PPP3CA: variants seen among roughly 807,000 people sequenced by gnomAD.
The protein encoded by PPP3CA is CAM-PRP catalytic subunit.
Under a neutral mutation model 66.5 loss-of-function variants are expected in PPP3CA, and 14 were observed. The observed-to-expected ratio is 0.21, with a 90% CI of 0.14 to 0.33. The LOEUF is 0.33. Ranked by LOEUF, PPP3CA falls within the 10% of genes least tolerant of loss-of-function variation. PPP3CA has a pLI of 1.00. For missense variants in PPP3CA, 317 were observed against 639.5 expected (o/e 0.50, Z 5.44); for synonymous variants, 232 against 226.2 (o/e 1.03, Z -0.23).
chr4:101,053,811 A>T (rs76273398), intron 10 of PPP3CA, among the ~76,000 whole-genome samples: 1 of 152,030 alleles, frequency 6.6e-6, no homozygotes, highest in Non-Finnish European at 1.5e-5. Context: ...ATTCTACGTC[A>T]TAAGTCCTCG....
intron 1 of PPP3CA, among the ~76,000 whole-genome samples, chr4:101,345,960 T>C (rs1458608361): frequency 6.6e-6 from 1 of 152,120 alleles, no homozygotes; most frequent in Admixed American, 6.5e-5. Context: ...CAGCCGGGGA[T>C]GGCAAGAGAG....
intron 1 of PPP3CA, among the ~76,000 whole-genome samples, chr4:101,208,041 G>A (rs928336823): frequency 1.3e-5 from 2 of 152,154 alleles, no homozygotes; most frequent in African/African-American, 2.4e-5. Flanking sequence ...AGCACTGCAA[G>A]TGCCTTCATT....
chr4:101,260,309 A>G (rs746111526), intron 1 of PPP3CA, among the ~76,000 whole-genome samples: 2 of 152,166 alleles, frequency 1.3e-5, no homozygotes, highest in Admixed American at 6.6e-5. Flanking sequence ...CAGAAATATA[A>G]TAACTTTAAA....
chr4:101,109,847 T>C (rs1161795628), intron 2 of PPP3CA, among the ~76,000 whole-genome samples: 2 of 152,176 alleles, frequency 1.3e-5, no homozygotes, highest in African/African-American at 2.4e-5. Context: ...CTATTTTGTC[T>C]CTTTTAAAAA....
rs185916765 is a variant in PPP3CA, at chr4:101,331,803, A to G, written c.58+14936T>C. On this transcript the variant is annotated intron_variant, in intron 1 of 13. Transcript: ENST00000394854. ...TTCAAATAAATTGGAGACTTAAAAT[A>G]AGTTCAGTACAATGTAACATATGCT... is the stretch of plus-strand genomic sequence containing the variant. Among the ~76,000 whole-genome samples the G allele has an allele frequency of 8.1e-4, 123 of 152,332 alleles. 1 individual carries two copies. The highest frequency in any genetic ancestry group is 2.8e-3 in the African/African-American group (116 of 41,572).
Position 101,234,851 on chromosome 4 carries a change from T to G in PPP3CA, c.59-38735A>C, listed in dbSNP as rs191474749. ...CACAGCTTTTTTGCCCAAAAAACAT[T>G]CTCTGCTGGTTCATTTTCTAACTAC... On this transcript the variant is annotated intron_variant, in intron 1 of 13. Transcript: ENST00000394854. 7.2e-5 allele frequency among the ~76,000 whole-genome samples: 11 copies of G among 151,920 alleles called. No homozygotes were observed. The East Asian group carries it at 2.1e-3, about 30-fold the overall frequency.
At chr4:101,277,205 G>C (rs1727523486) in intron 1 of PPP3CA, among the ~76,000 whole-genome samples, 1 of 152,058 alleles carries the variant, frequency 6.6e-6, no homozygotes, top group Admixed American at 6.6e-5. Context: ...TGACATCTAA[G>C]TTTTCTCCAT....
intron 8 of PPP3CA, among the ~76,000 whole-genome samples, chr4:101,080,241 AATT>A (rs1729374923): frequency 6.6e-6 from 1 of 152,122 alleles, no homozygotes; most frequent in African/African-American, 2.4e-5. Flanking sequence ...GATTATTTCC[AATT>A]ATTATTTCTT....
intron 3 of PPP3CA, among the ~76,000 whole-genome samples, chr4:101,106,935 T>C (rs567929386): frequency 1.9e-3 from 295 of 152,296 alleles, no homozygotes; most frequent in South Asian, 4.6e-3. Context: ...GAAAAATATC[T>C]ATCTTGTCCA....
intron 1 of PPP3CA, among the ~76,000 whole-genome samples, chr4:101,214,448 A>T (rs1438856753): frequency 6.6e-6 from 1 of 152,118 alleles, no homozygotes; most frequent in African/African-American, 2.4e-5. Flanking sequence ...TGAGAGCAAA[A>T]TCAGAAACAT....
chr4:101,267,073 G>A (rs1159543333), intron 1 of PPP3CA, among the ~76,000 whole-genome samples: 1 of 152,164 alleles, frequency 6.6e-6, no homozygotes, highest in Non-Finnish European at 1.5e-5. Context: ...TCTGCCCTGG[G>A]GCGTCCTCAG....
chr4:101,194,648 C>A (rs1724727440), intron 2 of PPP3CA, among the ~76,000 whole-genome samples: 1 of 151,864 alleles, frequency 6.6e-6, no homozygotes. Context: ...CTCACTGCAC[C>A]CTCTACCTCC....
intron 10 of PPP3CA, among the ~76,000 whole-genome samples, chr4:101,048,905 AT>A (rs556836719): frequency 6.6e-6 from 1 of 151,946 alleles, no homozygotes; most frequent in African/African-American, 2.4e-5. Context: ...TTAAAATGTA[AT>A]TTTTTTTAAA....
At chr4:101,131,096 G>T (rs978237096) in intron 2 of PPP3CA, among the ~76,000 whole-genome samples, 2 of 151,924 alleles carry the variant, frequency 1.3e-5, no homozygotes, top group Admixed American at 6.6e-5. Context: ...TATTAGTGGG[G>T]CATGGTGGTG....
chr4:101,142,198 T>C (rs1415570983), intron 2 of PPP3CA, among the ~76,000 whole-genome samples: 3 of 152,224 alleles, frequency 2.0e-5, no homozygotes, highest in Admixed American at 6.5e-5. Context: ...CCTTCCTGAA[T>C]AGCATTTTAA....
chr4:101,149,247 A>C (rs188324504), intron 2 of PPP3CA, among the ~76,000 whole-genome samples: 1 of 152,280 alleles, frequency 6.6e-6, no homozygotes, highest in African/African-American at 2.4e-5. Context: ...TAACTAAAAG[A>C]AGCTACAAGT....
At position 101,083,212 on chromosome 4, in the gene PPP3CA, G is replaced by T. The variant is rs751691186; in HGVS notation, c.834C>A (p.Leu278=). The T allele has an allele frequency of 2.9e-5, 46 of 1,604,410 alleles. No individual in the cohort carries two copies. Among genetic ancestry groups the T allele is most frequent in the Non-Finnish European group, 3.8e-5 (45 of 1,174,906 alleles). ...CTGCATCTTGGGCTTCGTGGGCTCG[G>T]AGTATAGATAACAAGTTATTGTGCT... The part of the protein sequence containing the change: ...FLQHNNLLSI[L]RAHEAQDAGY... The change falls in exon 7 of 14, where the codon CTC becomes CTA. Residue 278 remains leucine, a synonymous_variant. Transcript: ENST00000394854.
chr4:101,098,510 T>TAC lies in PPP3CA; in HGVS notation c.497_498dup (p.Lys167ValfsTer3). 1 of 1,602,774 alleles carries TAC rather than the reference T, an allele frequency of 6.2e-7. No homozygotes were observed. The highest frequency in any genetic ancestry group is 8.5e-7 in the Non-Finnish European group (1 of 1,174,066). ...TATACGCGTTCTGAATACTTTATTT[T>TAC]ACCTTTTAGAAGTGATTAAAAGAAT... On this transcript the variant is annotated frameshift_variant and splice_region_variant, in exon 5 of 14. Coordinates refer to ENST00000394854, the MANE Select transcript of PPP3CA (RefSeq NM_000944.5). LOFTEE classifies it high-confidence loss of function.
intron 2 of PPP3CA, among the ~76,000 whole-genome samples, chr4:101,150,335 AAATTTTGAG>A (rs1306206619): frequency 6.6e-6 from 1 of 152,134 alleles, no homozygotes; most frequent in Non-Finnish European, 1.5e-5. Context: ...TTGTGCTTTG[AAATTTTGAG>A]AATTCTAGGC....
Sources: allele counts gnomAD v4.1 joint callset (sites outside exome capture counted in the v4.1 genomes callset), GRCh38; gene constraint gnomAD v4.1.1; transcripts MANE v1.5; gene names NCBI Gene and HGNC (gene_info 2026-07-23, HGNC 2026-07-21).